The following SCLY variants were observed in gnomAD, a reference collection of about 807,000 sequenced individuals.
SCLY encodes putative selenocysteine lyase.
Under a neutral mutation model 50.1 loss-of-function variants are expected in SCLY, and 38 were observed. The observed-to-expected ratio is 0.76, with a 90% CI of 0.59 to 0.99. The LOEUF (loss-of-function observed/expected upper bound fraction) is 0.99, where lower values mean the gene tolerates loss of function less well. Ranked by LOEUF, SCLY falls within the 50% of genes least tolerant of loss-of-function variation. The probability of loss-of-function intolerance (pLI) is 0.00; values close to 1 mark genes in which losing one functional copy is unlikely to be tolerated. For synonymous variants in SCLY, 243 were observed against 249.4 expected (o/e 0.97, Z 0.24); for missense variants, 600 against 620.0 (o/e 0.97, Z 0.34).
rs1691383773 is a variant in SCLY at position 238,099,138 on chromosome 2, C to T, written c.*783C>T. The T allele has an allele frequency of 7.3e-6, 3 of 413,380 alleles. No individual in the cohort carries two copies. The highest frequency in any genetic ancestry group is 5.6e-5 in the South Asian group (3 of 53,852). 25.6% of individuals were successfully genotyped at this position (413,380 alleles called of 1,614,324 possible). On this transcript the variant is annotated 3_prime_UTR_variant, in exon 12 of 12. Transcript: ENST00000254663. ...TCATTATTAACTCAGGGTTTCAGCTCCAACCTCGCTGAGTTGGTGCAGCTC... is the reference window on the plus strand; with the variant it reads ...TCATTATTAACTCAGGGTTTCAGCTTCAACCTCGCTGAGTTGGTGCAGCTC...
chr2:238,091,549 CCA>C, intron 8 of SCLY: 128 of 338,610 alleles, frequency 3.8e-4, no homozygotes, highest in Middle Eastern at 1.7e-3. Flanking sequence ...TGCAGGTTCA[CCA>C]TTCCCAAAGG....
Position 238,066,871 on chromosome 2 carries a change from G to A in SCLY, c.203-1194G>A, listed in dbSNP as rs547905630. Among the ~76,000 whole-genome samples, 105 of 152,304 alleles carry A rather than the reference G, an allele frequency of 6.9e-4. No individual in the cohort carries two copies. Among genetic ancestry groups the A allele is most frequent in the African/African-American group, 2.1e-3 (88 of 41,550 alleles). On this transcript the variant is annotated intron_variant, in intron 2 of 11. Transcript: ENST00000254663. The surrounding 1 kb of genome is among the most constrained non-coding windows in gnomAD (Gnocchi z 4.1). ...AGGCCCCACAATCACGGAGGAAGGC[G>A]AAAGAGGAGCAAAGTCACATCTTAC...
chr2:238,096,688 A>T, intron 10 of SCLY, 113 bp from the exon 11 acceptor site: 1 of 1,162,992 alleles, frequency 8.6e-7, no homozygotes, highest in Non-Finnish European at 1.3e-6. Flanking sequence ...CTGGAATTCC[A>T]CCAGGTGGCA....
Position 238,083,253 on chromosome 2 carries a change from T to C in SCLY, c.783T>C (p.Tyr261=). The C allele has an allele frequency of 6.2e-7, 1 of 1,611,134 alleles. No homozygotes were observed. The highest frequency in any genetic ancestry group is 8.5e-7 in the Non-Finnish European group (1 of 1,177,278). Residue 261 remains tyrosine (Y), a synonymous_variant, in exon 7 of 12, where the codon TAT becomes TAC. Transcript: ENST00000254663. This position sits in a 1 kb window ranked among gnomAD's most constrained non-coding sequence, Gnocchi z 4.3. ...DFLTIVGHKF[Y]GPRIGALYIR... ...TGACCAACTTTTCCTTCCAGTTTTA[T>C]GGTCCCAGGATTGGCGCACTTTATA...
intron 3 of SCLY, 129 bp downstream of exon 3, chr2:238,068,294 A>G (rs2106437563): frequency 1.4e-6 from 1 of 704,030 alleles, no homozygotes; most frequent in East Asian, 3.1e-5. Context: ...CATGCCTGTA[A>G]TCCCAGTACT....
intron 7 of SCLY, among the ~76,000 whole-genome samples, chr2:238,084,239 C>T (rs977326655): frequency 1.3e-5 from 2 of 152,098 alleles, no homozygotes; most frequent in Non-Finnish European, 2.9e-5. Flanking sequence ...GATCTTGGAC[C>T]CACACCTGTC....
chr2:238,093,337 C>G (rs1011566543), intron 8 of SCLY: 1 of 160,148 alleles, frequency 6.2e-6, no homozygotes, highest in African/African-American at 2.4e-5. Context: ...GCCCCGTGGC[C>G]GGGCCTGCAG....
At chr2:238,090,419 G>A (rs1315654063) in intron 7 of SCLY, among the ~76,000 whole-genome samples, 1 of 152,206 alleles carries the variant, frequency 6.6e-6, no homozygotes, top group Non-Finnish European at 1.5e-5. Flanking sequence ...GGGAGGCCGA[G>A]GTGGCTGGAT....
In SCLY at chr2:238,069,260, A is replaced by G. The variant is rs1416764310; in HGVS notation, c.304-37A>G. On this transcript the variant is annotated intron_variant, in intron 3 of 11. Coordinates refer to ENST00000254663, the MANE Select transcript of SCLY (RefSeq NM_016510.7). This position sits in a 1 kb window ranked among gnomAD's most constrained non-coding sequence, Gnocchi z 5.0. ...GTTGCTCTGACCCTTACCTCAGCAC[A>G]GTTTTTGTAAATGCTTTTTTTGCTG... 6.3e-7 allele frequency: 1 copy of G among 1,598,690 alleles called. No homozygotes were observed. Among genetic ancestry groups the G allele is most frequent in the Non-Finnish European group, 8.5e-7 (1 of 1,170,570 alleles).
chr2:238,084,843 G>A (rs2065275322), intron 7 of SCLY, among the ~76,000 whole-genome samples: 2 of 144,286 alleles, frequency 1.4e-5, no homozygotes, highest in East Asian at 4.1e-4. Context: ...GCACTGAGTC[G>A]AGATCGCACC....
chr2:238,091,541 C>CGACCACCG, intron 8 of SCLY: 9 of 411,582 alleles, frequency 2.2e-5, no homozygotes, highest in East Asian at 4.6e-5. Flanking sequence ...TGTCAAGCTG[C>CGACCACCG]AGGTTCACCA....
intron 7 of SCLY, among the ~76,000 whole-genome samples, chr2:238,087,358 G>A (rs1386646881): frequency 6.6e-6 from 1 of 150,846 alleles, no homozygotes; most frequent in African/African-American, 2.4e-5. Flanking sequence ...AAAGGATAAT[G>A]AGGGAATGCC....
chr2:238,091,560 G>GTA, intron 8 of SCLY: 5 of 313,460 alleles, frequency 1.6e-5, no homozygotes, highest in East Asian at 6.6e-5. Context: ...CATTCCCAAA[G>GTA]GCGTCGGCAG....
intron 4 of SCLY, 37 bp from the exon 5 acceptor site, chr2:238,081,672 T>G: frequency 1.3e-6 from 2 of 1,588,952 alleles, no homozygotes; most frequent in Non-Finnish European, 1.7e-6. Flanking sequence ...GGAATCAATT[T>G]GTGCAGCTCA....
rs543366736 is a variant in SCLY at position 238,082,324 on chromosome 2, C to T, written c.777+115C>T. 45 of 1,028,984 alleles carry T rather than the reference C, an allele frequency of 4.4e-5. No homozygotes were observed. The East Asian group carries it at 8.9e-4, about 20-fold the overall frequency. 63.7% of individuals were successfully genotyped at this position (1,028,984 alleles called of 1,614,324 possible). A position where few individuals can be genotyped will look rare whatever the true frequency, so the allele number is the denominator to read the frequency against. ...CGTGAGCCAGGCCTTGGGGGCACTG[C>T]GAGGAGCAACGTGGGATCCTTGTCC... On this transcript the variant is annotated intron_variant, in intron 6 of 11. Coordinates refer to ENST00000254663, the MANE Select transcript of SCLY (RefSeq NM_016510.7).
At chr2:238,062,177 G>A (rs138681895) in intron 1 of SCLY, among the ~76,000 whole-genome samples, 1 of 152,252 alleles carries the variant, frequency 6.6e-6, no homozygotes, top group East Asian at 1.9e-4. Flanking sequence ...GTATTAATCT[G>A]AACAAAATAG....
In SCLY at chr2:238,083,295, A is replaced by ATTTT; in HGVS notation, c.828_829insTTTT (p.Thr277PhefsTer45). ...CACTTTATATACGAGGACTTGGTGAATTTACCCCTCTCTACCCTATGCTAT... is the reference window on the plus strand; with the variant it reads ...CACTTTATATACGAGGACTTGGTGAATTTTTTTACCCCTCTCTACCCTATGCTAT... On this transcript the variant is annotated frameshift_variant, in exon 7 of 12. Transcript: ENST00000254663. LOFTEE classifies it high-confidence loss of function. The surrounding 1 kb of genome is among the most constrained non-coding windows in gnomAD (Gnocchi z 4.3). The ATTTT allele has an allele frequency of 6.2e-7, 1 of 1,614,038 alleles. No homozygotes were observed. The highest frequency in any genetic ancestry group is 1.3e-5 in the African/African-American group (1 of 75,022).
At chr2:238,068,229 G>A in intron 3 of SCLY, 64 bp downstream of exon 3, 1 of 1,198,914 alleles carries the variant, frequency 8.3e-7, no homozygotes, top group Non-Finnish European at 1.2e-6. Context: ...CACAGAAAGT[G>A]ATTTCCTTTT....
intron 4 of SCLY, among the ~76,000 whole-genome samples, chr2:238,077,556 C>T (rs917360447): frequency 1.3e-5 from 2 of 152,220 alleles, no homozygotes; most frequent in African/African-American, 4.8e-5. Flanking sequence ...AAGACCACCT[C>T]AGCATAGATG....
Sources: gnomAD v4.1 joint callset for allele counts (sites outside exome capture counted in the v4.1 genomes callset) on GRCh38, gnomAD v4.1.1 for gene constraint, Gnocchi (gnomAD v3.1) non-coding constraint, MANE v1.5 for transcripts, NCBI Gene and HGNC (gene_info 2026-07-23, HGNC 2026-07-21) for gene names.